TTC1: variants seen among roughly 807,000 people sequenced by gnomAD.
The protein encoded by TTC1 is tetratricopeptide repeat protein 1.
In TTC1, 31 loss-of-function variants were observed where a neutral mutation model predicts 37.6. The ratio of observed to expected loss-of-function variants is 0.82; its 90% confidence interval spans 0.62 to 1.11. TTC1 has a LOEUF of 1.11. Ranked by LOEUF, TTC1 falls within the 50% of genes most tolerant of loss-of-function variation. The pLI, the probability that TTC1 is intolerant of heterozygous loss-of-function variation, is 0.00. For synonymous variants in TTC1, 127 were observed against 122.4 expected (o/e 1.04, Z -0.25); for missense variants, 351 against 339.0 (o/e 1.04, Z -0.28).
intron 5 of TTC1, among the ~76,000 whole-genome samples, chr5:160,047,201 GTTCT>G (rs923332804): frequency 6.6e-6 from 1 of 152,026 alleles, no homozygotes; most frequent in African/African-American, 2.4e-5. Context: ...CCACTGCAAA[GTTCT>G]TTCTTCTTGG....
intron 2 of TTC1, chr5:160,023,984 T>C: frequency 6.5e-7 from 1 of 1,543,856 alleles, no homozygotes; most frequent in Non-Finnish European, 9.0e-7. Flanking sequence ...CCCACCTGGT[T>C]GCATGAAACA....
Position 160,051,192 on chromosome 5 carries a change from A to G in TTC1, c.745+9A>G. 1.2e-6 allele frequency: 2 copies of G among 1,607,414 alleles called. No individual in the cohort carries two copies. The highest frequency in any genetic ancestry group is 1.7e-6 in the Non-Finnish European group (2 of 1,176,092). ...AAAAGAAGAGATGTTAGGTAAGCTT[A>G]CTTCTTACTTTGCTTGATCATAAAC... On this transcript the variant is annotated intron_variant, in intron 7 of 7. Transcript: ENST00000231238.
Position 160,010,492 on chromosome 5 carries a change from TC to T in TTC1, c.-29-3del. On this transcript the variant is annotated splice_region_variant and splice_polypyrimidine_tract_variant and intron_variant, in intron 1 of 7. Transcript: ENST00000231238. ...ATTATATAGCAGTTTTGTTTTGTTT[TC>T]CCCCAGCTTTAGCGTCACCTCCCTC... 6.4e-7 allele frequency: 1 copy of T among 1,572,840 alleles called. No individual in the cohort carries two copies. The highest frequency in any genetic ancestry group is 8.7e-7 in the Non-Finnish European group (1 of 1,154,208).
chr5:160,010,099 TAAG>T (rs1321421086), intron 1 of TTC1, among the ~76,000 whole-genome samples: 1 of 151,998 alleles, frequency 6.6e-6, no homozygotes, highest in Non-Finnish European at 1.5e-5. Flanking sequence ...TTGTTGCTTT[TAAG>T]AAGTTCTGGG....
chr5:160,058,127 CAGG>C (rs1292391821), intron 7 of TTC1, among the ~76,000 whole-genome samples: 1 of 152,180 alleles, frequency 6.6e-6, no homozygotes, highest in Non-Finnish European at 1.5e-5. Flanking sequence ...ACATCTTCAC[CAGG>C]AGGAGATTCC....
intron 6 of TTC1, among the ~76,000 whole-genome samples, chr5:160,049,881 C>A (rs1290050304): frequency 6.6e-6 from 1 of 151,902 alleles, no homozygotes; most frequent in Non-Finnish European, 1.5e-5. Context: ...AGCTCGAGAC[C>A]AGCCTGGCCA....
intron 6 of TTC1, among the ~76,000 whole-genome samples, chr5:160,050,455 A>G (rs1186363548): frequency 6.6e-6 from 1 of 152,178 alleles, no homozygotes; most frequent in Non-Finnish European, 1.5e-5. Context: ...TTAAAAAAAC[A>G]AAAAATACAA....
chr5:160,012,295 C>A (rs1382787774), intron 2 of TTC1, among the ~76,000 whole-genome samples: 1 of 152,030 alleles, frequency 6.6e-6, no homozygotes, highest in East Asian at 1.9e-4. Flanking sequence ...ATCCCTACCT[C>A]TAATTTAGTA....
At chr5:160,022,071 A>G (rs1239301036) in intron 2 of TTC1, among the ~76,000 whole-genome samples, 3 of 152,168 alleles carry the variant, frequency 2.0e-5, no homozygotes, top group Non-Finnish European at 4.4e-5. Context: ...AGCTTGCCGG[A>G]GTGAGAGTCT....
intron 2 of TTC1, among the ~76,000 whole-genome samples, chr5:160,017,404 G>C (rs984454119): frequency 6.6e-5 from 10 of 152,140 alleles, no homozygotes; most frequent in African/African-American, 2.4e-4. Context: ...AGCAGGGGCA[G>C]GGCAGCTCCC....
chr5:160,023,755 C>T (rs532264299), intron 2 of TTC1: 1 of 1,612,392 alleles, frequency 6.2e-7, no homozygotes, highest in African/African-American at 1.3e-5. Flanking sequence ...TCTTCTTTTT[C>T]TTCTTCTTTG....
rs1757563955 is a variant in TTC1, at chr5:160,057,008, A to G, written c.745+5825A>G. Among the ~76,000 whole-genome samples the G allele has an allele frequency of 1.3e-5, 2 of 151,790 alleles. No homozygotes were observed. The highest frequency in any genetic ancestry group is 6.6e-5 in the Admixed American group (1 of 15,226). ...TTTTTTCCACATTTCTCTTCATACT[A>G]TTCTGCCTGATATCTGTCATTACAG... On this transcript the variant is annotated intron_variant, in intron 7 of 7. Coordinates refer to ENST00000231238, the MANE Select transcript of TTC1 (RefSeq NM_003314.3). The surrounding 1 kb of genome is among the most constrained non-coding windows in gnomAD (Gnocchi z 4.4).
intron 5 of TTC1, among the ~76,000 whole-genome samples, chr5:160,043,596 A>G (rs1470105094): frequency 1.3e-5 from 2 of 152,210 alleles, no homozygotes; most frequent in African/African-American, 4.8e-5. Flanking sequence ...TCTCCAAAAG[A>G]AAAAAGAAAA....
chr5:160,048,195 T>C (rs1253708604), intron 5 of TTC1, among the ~76,000 whole-genome samples: 1 of 133,758 alleles, frequency 7.5e-6, no homozygotes, highest in Non-Finnish European at 1.5e-5. Flanking sequence ...TTGCCCGGGC[T>C]GGAGTACAGT....
intron 2 of TTC1, among the ~76,000 whole-genome samples, chr5:160,030,801 TC>T (rs1248258732): frequency 6.6e-6 from 1 of 152,174 alleles, no homozygotes; most frequent in East Asian, 1.9e-4. Context: ...ATCAGATGTT[TC>T]CCTGTGAGGC....
chr5:160,054,977 A>G (rs908046111), intron 7 of TTC1, among the ~76,000 whole-genome samples: 2 of 152,208 alleles, frequency 1.3e-5, no homozygotes, highest in African/African-American at 4.8e-5. Context: ...CTCTGCCCTC[A>G]GGAGTCCCTT....
intron 2 of TTC1, among the ~76,000 whole-genome samples, chr5:160,024,240 G>A (rs1180572308): frequency 3.3e-5 from 5 of 152,174 alleles, no homozygotes; most frequent in Non-Finnish European, 2.9e-5. Flanking sequence ...TTATTTCCCA[G>A]GTGGAGAGTT....
intron 7 of TTC1, among the ~76,000 whole-genome samples, chr5:160,060,371 C>T (rs1426635944): frequency 6.6e-5 from 10 of 152,170 alleles, no homozygotes; most frequent in Admixed American, 3.9e-4. Context: ...TCAACTGAAC[C>T]CAGTGGCAAG....
intron 7 of TTC1, among the ~76,000 whole-genome samples, chr5:160,058,409 C>CTTT (rs1171929571): frequency 6.9e-5 from 9 of 129,788 alleles, no homozygotes; most frequent in African/African-American, 8.5e-5. Context: ...AAGTGTATTT[C>CTTT]TTTTTTTTTT....
Sources: gnomAD v4.1 joint callset for allele counts (sites outside exome capture counted in the v4.1 genomes callset) on GRCh38, gnomAD v4.1.1 for gene constraint, Gnocchi (gnomAD v3.1) non-coding constraint, MANE v1.5 for transcripts, NCBI Gene and HGNC (gene_info 2026-07-23, HGNC 2026-07-21) for gene names.